PRKG1: variants seen among roughly 807,000 people sequenced by gnomAD.
PRKG1 encodes cGMP-dependent protein kinase 1.
Under a neutral mutation model 88.1 loss-of-function variants are expected in PRKG1, and 35 were observed. That is an observed-to-expected ratio of 0.40 (90% CI 0.30 to 0.53). The LOEUF is 0.53. Ranked by LOEUF, PRKG1 falls within the 20% of genes least tolerant of loss-of-function variation. PRKG1 has a pLI of 0.59. For missense variants in PRKG1, 540 were observed against 839.8 expected, an observed-to-expected ratio of 0.64 and a Z score of 4.41; for synonymous variants, 303 against 292.5, an observed-to-expected ratio of 1.04 and a Z score of -0.37.
intron 3 of PRKG1, among the ~76,000 whole-genome samples, chr10:51,773,162 A>G (rs1276521826): frequency 6.6e-6 from 1 of 152,002 alleles, no homozygotes; most frequent in Non-Finnish European, 1.5e-5. Context: ...GCCCAATTTT[A>G]GTTGTGTTTA....
intron 8 of PRKG1, among the ~76,000 whole-genome samples, chr10:52,142,387 A>T (rs1368885878): frequency 6.6e-6 from 1 of 152,184 alleles, no homozygotes; most frequent in Non-Finnish European, 1.5e-5. Flanking sequence ...GTCTAAAAAG[A>T]GTTTCCTTCA....
intron 2 of PRKG1, among the ~76,000 whole-genome samples, chr10:51,255,245 C>T (rs954677700): frequency 6.6e-6 from 1 of 152,082 alleles, no homozygotes; most frequent in African/African-American, 2.4e-5. Context: ...ATTCACTTCA[C>T]TTGGCAAACA....
At chr10:51,869,898 A>G (rs1564685278) in intron 4 of PRKG1, among the ~76,000 whole-genome samples, 1 of 152,188 alleles carries the variant, frequency 6.6e-6, no homozygotes, top group Non-Finnish European at 1.5e-5. Context: ...CTGGAAAGCA[A>G]CCTAGATGTA....
At chr10:51,589,457 C>T (rs1215297077) in intron 3 of PRKG1, among the ~76,000 whole-genome samples, 1 of 152,100 alleles carries the variant, frequency 6.6e-6, no homozygotes, top group African/African-American at 2.4e-5. Flanking sequence ...AACCCCGTCT[C>T]TACTAAAAAT....
chr10:51,766,023 T>C (rs1838152903), intron 3 of PRKG1, among the ~76,000 whole-genome samples: 1 of 152,092 alleles, frequency 6.6e-6, no homozygotes, highest in African/African-American at 2.4e-5. Flanking sequence ...TGTGCCCTCA[T>C]GTTGCAGTCA....
chr10:51,213,102 T>C (rs1838273769), intron 2 of PRKG1, among the ~76,000 whole-genome samples: 1 of 152,172 alleles, frequency 6.6e-6, no homozygotes, highest in Non-Finnish European at 1.5e-5. Context: ...TAAGAAAATG[T>C]GGCACATATA....
chr10:51,979,410 G>GTTTTTTTTTTGTT (rs1843937421), intron 5 of PRKG1, among the ~76,000 whole-genome samples: 1 of 47,056 alleles, frequency 2.1e-5, no homozygotes, highest in African/African-American at 8.4e-5. Flanking sequence ...ATATTGGTCT[G>GTTTTTTTTTTGTT]TTTTTTTTTT....
intron 1 of PRKG1, among the ~76,000 whole-genome samples, chr10:51,010,686 A>G (rs1272217851): frequency 6.6e-6 from 1 of 152,214 alleles, no homozygotes; most frequent in African/African-American, 2.4e-5. Context: ...CCTAATCCTG[A>G]AATCATTTGA....
chr10:52,044,674 A>T (rs1845824011), intron 5 of PRKG1, among the ~76,000 whole-genome samples: 1 of 152,194 alleles, frequency 6.6e-6, no homozygotes. Context: ...GATTATACTT[A>T]TCTTACTACA....
intron 5 of PRKG1, chr10:51,909,259 G>A (rs1842161171): frequency 6.6e-6 from 1 of 152,216 alleles, no homozygotes; most frequent in East Asian, 1.9e-4. Flanking sequence ...AAGCTTAAGT[G>A]ATCTTTGGCA....
At chr10:52,077,008 TA>T (rs200127195) in intron 7 of PRKG1, among the ~76,000 whole-genome samples, 1,545 of 151,310 alleles carry the variant, frequency 0.01, 16 homozygotes, top group African/African-American at 0.021. Flanking sequence ...TTTTTTTTTT[TA>T]AAACTTAAAC....
chr10:51,039,044 G>A (rs1843387648), intron 1 of PRKG1, among the ~76,000 whole-genome samples: 3 of 151,978 alleles, frequency 2.0e-5, no homozygotes, highest in African/African-American at 7.2e-5. Context: ...AGTAAAACAA[G>A]AGAGTGCAGA....
In PRKG1 at chr10:52,137,609, G is replaced by A. The variant is rs961522354; in HGVS notation, c.1001+3704G>A. Among the ~76,000 whole-genome samples, 4 of 152,044 alleles carry A rather than the reference G, an allele frequency of 2.6e-5. No homozygotes were observed. In the East Asian group the frequency reaches 5.8e-4, roughly 22 times the overall value. On this transcript the variant is annotated intron_variant, in intron 8 of 17. Coordinates refer to ENST00000373980, the MANE Select transcript of PRKG1 (RefSeq NM_006258.4). ...TAATATTTGCATATAACCTATGCAT[G>A]TCTTCCCTGTACTTTAAAATATATC...
chr10:50,991,887 T>A lies in PRKG1; in HGVS notation c.266+243T>A, dbSNP rs1189993820. Among the ~76,000 whole-genome samples, 4 of 152,072 alleles carry A rather than the reference T, an allele frequency of 2.6e-5. No homozygotes were observed. The highest frequency in any genetic ancestry group is 5.9e-5 in the Non-Finnish European group (4 of 67,978). ...AGCTGCACGGGGAGACGCGCCCCTG[T>A]GGCGTGGGGGTGGGGAGGAGGACCG... On this transcript the variant is annotated intron_variant, in intron 1 of 17. Transcript: ENST00000401604. This position sits in a 1 kb window ranked among gnomAD's most constrained non-coding sequence, Gnocchi z 4.5.
chr10:51,443,575 C>G (rs942139335), intron 2 of PRKG1, among the ~76,000 whole-genome samples: 2 of 151,886 alleles, frequency 1.3e-5, no homozygotes, highest in Non-Finnish European at 2.9e-5. Context: ...GGAAAGTAAA[C>G]TTGTTTTTTT....
At chr10:51,535,545 T>C (rs908149285) in intron 3 of PRKG1, among the ~76,000 whole-genome samples, 1 of 152,196 alleles carries the variant, frequency 6.6e-6, no homozygotes, top group African/African-American at 2.4e-5. Context: ...CAATTTTTGT[T>C]ATAAGAAAGT....
intron 2 of PRKG1, among the ~76,000 whole-genome samples, chr10:51,456,011 C>G (rs1032539441): frequency 5.9e-5 from 9 of 152,160 alleles, no homozygotes; most frequent in African/African-American, 2.2e-4. Context: ...TAAAGACATA[C>G]CTGAGACTGG....
At chr10:51,840,856 TA>T (rs1564670007) in intron 4 of PRKG1, among the ~76,000 whole-genome samples, 3 of 152,150 alleles carry the variant, frequency 2.0e-5, no homozygotes, top group Non-Finnish European at 4.4e-5. Context: ...CTGAACCCTC[TA>T]TTTTAAAGAG....
chr10:52,120,586 G>C (rs142050757), intron 7 of PRKG1, among the ~76,000 whole-genome samples: 1 of 152,140 alleles, frequency 6.6e-6, no homozygotes, highest in Non-Finnish European at 1.5e-5. Context: ...CAAGAAGAAA[G>C]GGGTAACTGA....
Sources: gnomAD v4.1 joint callset for allele counts (sites outside exome capture counted in the v4.1 genomes callset) on GRCh38, gnomAD v4.1.1 for gene constraint, Gnocchi (gnomAD v3.1) non-coding constraint, MANE v1.5 for transcripts, NCBI Gene and HGNC (gene_info 2026-07-23, HGNC 2026-07-21) for gene names.